The following HEMK2 variants were observed in gnomAD, a reference collection of about 807,000 sequenced individuals.
HEMK2 encodes methyltransferase HEMK2.
At chr21:28,643,550 C>A in the HEMK2 span, among the ~76,000 whole-genome samples, 1 of 152,232 alleles carries the variant, frequency 6.6e-6, no homozygotes, top group South Asian at 2.1e-4. Flanking sequence ...CAAGGTCATG[C>A]ACACCTGTAG....
At chr21:28,790,725 A>G in the HEMK2 span, among the ~76,000 whole-genome samples, 1 of 151,540 alleles carries the variant, frequency 6.6e-6, no homozygotes, top group Non-Finnish European at 1.5e-5. Context: ...AACATTTTGG[A>G]AATAGTTTAA....
chr21:28,720,612 A>T, the HEMK2 span, among the ~76,000 whole-genome samples: 76 of 152,194 alleles, frequency 5.0e-4, no homozygotes, highest in Non-Finnish European at 1.0e-3. Flanking sequence ...GGGCGCCTGT[A>T]ATCCCAGCAA....
the HEMK2 span, among the ~76,000 whole-genome samples, chr21:28,805,006 G>A: frequency 6.6e-6 from 1 of 152,092 alleles, no homozygotes. Context: ...GATTCAGTTG[G>A]GCTAGATTGG....
the HEMK2 span, among the ~76,000 whole-genome samples, chr21:28,868,731 C>T: frequency 1.1e-4 from 16 of 152,214 alleles, no homozygotes; most frequent in African/African-American, 3.4e-4. Context: ...GTCCTGTACA[C>T]GTTATATTTA....
chr21:28,814,804 A>AT, the HEMK2 span, among the ~76,000 whole-genome samples: 81,757 of 151,536 alleles, frequency 0.54, 24,947 homozygotes, highest in African/African-American at 0.82. Flanking sequence ...TAGTTCAACC[A>AT]TGTGGAAGTC....
At chr21:28,663,871 T>C in the HEMK2 span, among the ~76,000 whole-genome samples, 3 of 152,192 alleles carry the variant, frequency 2.0e-5, no homozygotes, top group Non-Finnish European at 4.4e-5. Flanking sequence ...AGAGCGGGCA[T>C]CTCTTTAGTT....
the HEMK2 span, among the ~76,000 whole-genome samples, chr21:28,755,415 G>A: frequency 1.3e-5 from 2 of 152,156 alleles, no homozygotes; most frequent in African/African-American, 4.8e-5. Flanking sequence ...AGCAACTGAT[G>A]TACTCTTTGT....
At chr21:28,658,437 A>C in the HEMK2 span, among the ~76,000 whole-genome samples, 4 of 152,084 alleles carry the variant, frequency 2.6e-5, 1 homozygote, top group South Asian at 8.3e-4. Flanking sequence ...AATACAACCC[A>C]CTTCAAGTTA....
the HEMK2 span, among the ~76,000 whole-genome samples, chr21:28,690,256 C>A: frequency 6.6e-6 from 1 of 152,116 alleles, no homozygotes; most frequent in East Asian, 1.9e-4. Flanking sequence ...AGGGGCACAG[C>A]CAAACCATAT....
chr21:28,870,327 T>C, the HEMK2 span, among the ~76,000 whole-genome samples: 1 of 152,266 alleles, frequency 6.6e-6, no homozygotes, highest in African/African-American at 2.4e-5. Context: ...TGAACCAATA[T>C]TGATACACTA....
At chr21:28,588,757 T>A in the HEMK2 span, among the ~76,000 whole-genome samples, 1 of 151,458 alleles carries the variant, frequency 6.6e-6, no homozygotes, top group African/African-American at 2.4e-5. Context: ...GATCACGAGG[T>A]CGGATCACAA....
the HEMK2 span, among the ~76,000 whole-genome samples, chr21:28,698,992 A>C: frequency 5.0e-3 from 756 of 152,340 alleles, 6 homozygotes; most frequent in African/African-American, 0.017. Flanking sequence ...TTATAAGATC[A>C]ACCAAAATGT....
chr21:28,722,854 A>G, the HEMK2 span, among the ~76,000 whole-genome samples: 1 of 152,194 alleles, frequency 6.6e-6, no homozygotes, highest in East Asian at 1.9e-4. Context: ...ATTGCACTCC[A>G]GCCTGGGCAA....
the HEMK2 span, among the ~76,000 whole-genome samples, chr21:28,625,040 C>T: frequency 2.6e-5 from 4 of 152,198 alleles, no homozygotes; most frequent in East Asian, 1.9e-4. Context: ...GAACAGGCCT[C>T]GGCCTTTTTA....
At chr21:28,884,820 C>T in the HEMK2 span, among the ~76,000 whole-genome samples, 1 of 152,084 alleles carries the variant, frequency 6.6e-6, no homozygotes, top group Non-Finnish European at 1.5e-5. Context: ...CAAATAATAC[C>T]ATGCAATTTT....
the HEMK2 span, among the ~76,000 whole-genome samples, chr21:28,647,194 T>C: frequency 6.6e-6 from 1 of 151,562 alleles, no homozygotes; most frequent in East Asian, 1.9e-4. Flanking sequence ...GTACAGAAAG[T>C]AGCACTGGGG....
At chr21:28,845,199 A>T in the HEMK2 span, among the ~76,000 whole-genome samples, 1 of 152,124 alleles carries the variant, frequency 6.6e-6, no homozygotes, top group East Asian at 1.9e-4. Context: ...TTGTCCAAAC[A>T]TCATTTATCA....
the HEMK2 span, among the ~76,000 whole-genome samples, chr21:28,621,645 T>G: frequency 6.6e-6 from 1 of 152,106 alleles, no homozygotes; most frequent in African/African-American, 2.4e-5. Flanking sequence ...AGCAATGTTT[T>G]GGGGGCAGGG....
chr21:28,708,842 T>C, the HEMK2 span, among the ~76,000 whole-genome samples: 1,064 of 152,292 alleles, frequency 7.0e-3, 11 homozygotes, highest in African/African-American at 0.024. Flanking sequence ...AATGGAGTGG[T>C]TTCTCAAAAA....
Sources: gnomAD v4.1 joint callset for allele counts (sites outside exome capture counted in the v4.1 genomes callset) on GRCh38, gnomAD v4.1.1 for gene constraint, MANE v1.5 for transcripts, NCBI Gene and HGNC (gene_info 2026-07-23, HGNC 2026-07-21) for gene names.